The following GRID2 variants were observed in gnomAD, a reference collection of about 807,000 sequenced individuals.
The protein encoded by GRID2 is glutamate ionotropic receptor delta type subunit 2.
GRID2 carries 33 observed loss-of-function variants against 114.8 expected under a neutral mutation model. That is an observed-to-expected ratio of 0.29 (90% CI 0.22 to 0.38). The LOEUF (loss-of-function observed/expected upper bound fraction) is 0.38. Ranked by LOEUF, GRID2 falls within the 10% of genes least tolerant of loss-of-function variation. GRID2 has a pLI of 1.00. For synonymous variants in GRID2, 505 were observed against 449.9 expected (o/e 1.12, Z -1.55); for missense variants, 1,184 against 1,257.7 (o/e 0.94, Z 0.89).
At chr4:93,430,748 T>C (rs1022577408) in intron 10 of GRID2, among the ~76,000 whole-genome samples, 2 of 152,196 alleles carry the variant, frequency 1.3e-5, no homozygotes, top group African/African-American at 2.4e-5. Flanking sequence ...GGTGCAATGA[T>C]AGAGAAGCAC....
intron 1 of GRID2, among the ~76,000 whole-genome samples, chr4:92,524,128 C>A (rs754607780): frequency 6.6e-6 from 1 of 152,008 alleles, no homozygotes; most frequent in East Asian, 2.0e-4. Flanking sequence ...TTTGATGGAG[C>A]CCTAAGAGTT....
At chr4:92,749,310 C>CTTTTTTTTTTTTTT (rs68069370) in intron 2 of GRID2, among the ~76,000 whole-genome samples, 1 of 72,006 alleles carries the variant, frequency 1.4e-5, no homozygotes, top group Admixed American at 2.0e-4. Context: ...TGATTTGTAG[C>CTTTTTTTTTTTTTT]TTTTTTTTTT....
At chr4:93,630,827 G>GA (rs1459709329) in intron 14 of GRID2, among the ~76,000 whole-genome samples, 8 of 152,058 alleles carry the variant, frequency 5.3e-5, no homozygotes, top group Non-Finnish European at 1.0e-4. Flanking sequence ...AATAAAATTG[G>GA]AAAAAATTCA....
intron 4 of GRID2, among the ~76,000 whole-genome samples, chr4:93,159,679 T>C (rs903227446): frequency 2.0e-5 from 3 of 149,346 alleles, no homozygotes; most frequent in Non-Finnish European, 4.4e-5. Context: ...AGATAAGAAT[T>C]TTTTTCCATC....
At chr4:93,285,970 C>T (rs962585137) in intron 8 of GRID2, among the ~76,000 whole-genome samples, 9 of 151,898 alleles carry the variant, frequency 5.9e-5, no homozygotes, top group African/African-American at 1.4e-4. Context: ...GATTTTAATA[C>T]GCTGTAAGTA....
chr4:92,637,786 T>C (rs889927198), intron 2 of GRID2, among the ~76,000 whole-genome samples: 2 of 152,044 alleles, frequency 1.3e-5, no homozygotes, highest in African/African-American at 4.8e-5. Context: ...GAAAGAATTG[T>C]ATAATGATGC....
At chr4:92,397,761 AG>A (rs1730574494) in intron 1 of GRID2, among the ~76,000 whole-genome samples, 1 of 152,136 alleles carries the variant, frequency 6.6e-6, no homozygotes, top group African/African-American at 2.4e-5. Flanking sequence ...GTAATGTCTG[AG>A]AAAGTGACAG....
intron 1 of GRID2, among the ~76,000 whole-genome samples, chr4:92,467,408 TTTCA>T (rs568257896): frequency 7.8e-4 from 119 of 152,110 alleles, no homozygotes; most frequent in African/African-American, 2.8e-3. Flanking sequence ...TCACTAAGTT[TTTCA>T]TTCAGAAAAT....
intron 2 of GRID2, among the ~76,000 whole-genome samples, chr4:92,623,083 A>G (rs1200211000): frequency 1.3e-5 from 2 of 151,746 alleles, no homozygotes; most frequent in Non-Finnish European, 2.9e-5. Context: ...AAATTGGTCT[A>G]TAAAAAACTA....
chr4:93,457,612 G>T (rs1209237187), intron 11 of GRID2, among the ~76,000 whole-genome samples: 1 of 152,176 alleles, frequency 6.6e-6, no homozygotes, highest in Non-Finnish European at 1.5e-5. Context: ...ACTGAGCAAA[G>T]AGTTGATGTG....
rs529057224 is a variant in GRID2 at position 93,438,510 on chromosome 4, G to A, written c.1545+15542G>A. 2.0e-5 allele frequency among the ~76,000 whole-genome samples: 3 copies of A among 152,080 alleles called. No individual in the cohort carries two copies. The South Asian group carries it at 6.2e-4, about 32-fold the overall frequency. Reference sequence around the variant, plus strand: ...AAGAGAAAAATGTGATTTAACTTACGTTTAAGAAAGATAGCTGAGGTAGGC... The same window carrying A: ...AAGAGAAAAATGTGATTTAACTTACATTTAAGAAAGATAGCTGAGGTAGGC... On this transcript the variant is annotated intron_variant, in intron 10 of 15. Transcript: ENST00000282020.
intron 1 of GRID2, among the ~76,000 whole-genome samples, chr4:92,356,452 T>C (rs972231293): frequency 2.6e-5 from 4 of 151,528 alleles, no homozygotes; most frequent in African/African-American, 9.7e-5. Flanking sequence ...TCCTTATATA[T>C]TAAAAACATA....
chr4:93,637,289 T>A (rs1413411524), intron 14 of GRID2, among the ~76,000 whole-genome samples: 1 of 152,184 alleles, frequency 6.6e-6, no homozygotes, highest in Non-Finnish European at 1.5e-5. Context: ...ATTCTCACAA[T>A]AAGCTTGTGA....
At chr4:93,190,704 G>T (rs1380933432) in intron 4 of GRID2, among the ~76,000 whole-genome samples, 1 of 151,974 alleles carries the variant, frequency 6.6e-6, no homozygotes, top group African/African-American at 2.4e-5. Flanking sequence ...TTAGCAATAT[G>T]ACCTACGCTA....
intron 2 of GRID2, among the ~76,000 whole-genome samples, chr4:92,806,186 C>T (rs1446283939): frequency 1.3e-5 from 2 of 151,098 alleles, no homozygotes; most frequent in East Asian, 3.9e-4. Flanking sequence ...CACACACACA[C>T]ACACACACAC....
At chr4:92,653,324 T>A (rs200598475) in intron 2 of GRID2, among the ~76,000 whole-genome samples, 1 of 138,824 alleles carries the variant, frequency 7.2e-6, no homozygotes, top group African/African-American at 2.6e-5. Flanking sequence ...CACACACATG[T>A]GTCTGTGTGT....
At chr4:93,728,026 A>G (rs1283727981) in intron 14 of GRID2, among the ~76,000 whole-genome samples, 1 of 152,048 alleles carries the variant, frequency 6.6e-6, no homozygotes, top group African/African-American at 2.4e-5. Context: ...GCCTTCTGCT[A>G]GCTTTTGAAT....
intron 1 of GRID2, among the ~76,000 whole-genome samples, chr4:92,467,957 G>A (rs759224722): frequency 2.6e-5 from 4 of 151,846 alleles, no homozygotes; most frequent in Non-Finnish European, 4.4e-5. Flanking sequence ...AATGTGACAT[G>A]TAAACTTACC....
intron 14 of GRID2, among the ~76,000 whole-genome samples, chr4:93,767,303 G>A (rs562563871): frequency 5.1e-4 from 78 of 152,252 alleles, no homozygotes; most frequent in Admixed American, 8.5e-4. Context: ...CAGAGGTCTT[G>A]TAGGTACTGG....
Sources: gnomAD v4.1 joint callset for allele counts (sites outside exome capture counted in the v4.1 genomes callset) on GRCh38, gnomAD v4.1.1 for gene constraint, MANE v1.5 for transcripts, NCBI Gene and HGNC (gene_info 2026-07-23, HGNC 2026-07-21) for gene names.